The following AR variants were observed in gnomAD, a reference collection of about 807,000 sequenced individuals.
AR encodes the protein dihydrotestosterone receptor.
In AR, 8 loss-of-function variants were observed where a neutral mutation model predicts 53.9. The observed-to-expected ratio is 0.15, with a 90% CI of 0.09 to 0.27. The LOEUF (loss-of-function observed/expected upper bound fraction) is 0.27, where lower values mean the gene tolerates loss of function less well. AR is among the 10% of genes least tolerant of loss of function. AR has a pLI of 1.00. For synonymous variants in AR, 359 were observed against 316.4 expected, an observed-to-expected ratio of 1.13 and a Z score of -1.43; for missense variants, 639 against 742.5, an observed-to-expected ratio of 0.86 and a Z score of 1.62.
Position 67,578,794 on chromosome X carries a change from G to A in AR, c.1616+32032G>A, listed in dbSNP as rs1045603302. Among the ~76,000 whole-genome samples the A allele has an allele frequency of 8.0e-5, 9 of 111,877 alleles. No homozygotes were observed. The South Asian group carries it at 1.8e-3, about 23-fold the overall frequency. On this transcript the variant is annotated intron_variant, in intron 1 of 7. Coordinates refer to ENST00000374690, the MANE Select transcript of AR (RefSeq NM_000044.6). ...CATGAAATTAGTGCATAGACAGAAT[G>A]GGCTGGGAAAATGAAAGGACTTTGA...
intron 1 of AR, among the ~76,000 whole-genome samples, chrX:67,640,296 C>G (rs982743072): frequency 9.0e-6 from 1 of 110,952 alleles, no homozygotes; most frequent in African/African-American, 3.3e-5. Context: ...TTTGTTGTGT[C>G]TCTGCCAGGT....
intron 1 of AR, among the ~76,000 whole-genome samples, chrX:67,640,058 T>C (rs1427852176): frequency 8.9e-6 from 1 of 111,955 alleles, no homozygotes; most frequent in Non-Finnish European, 1.9e-5. Flanking sequence ...AGGCCTTTTC[T>C]GCATCTATTG....
intron 1 of AR, among the ~76,000 whole-genome samples, chrX:67,630,205 G>T (rs1374760943): frequency 1.8e-5 from 2 of 110,858 alleles, no homozygotes; most frequent in South Asian, 3.9e-4. Context: ...TTAACTTTCT[G>T]TCTCGTTGAT....
At chrX:67,705,772 G>C (rs1463151302) in intron 3 of AR, among the ~76,000 whole-genome samples, 2 of 111,441 alleles carry the variant, frequency 1.8e-5, no homozygotes, top group African/African-American at 6.5e-5. Context: ...GTATGATATT[G>C]GCTGTGGGTT....
chrX:67,584,564 G>C (rs1487622658), intron 1 of AR, among the ~76,000 whole-genome samples: 5 of 111,877 alleles, frequency 4.5e-5, no homozygotes, highest in African/African-American at 1.6e-4. Context: ...TTCTAAATAA[G>C]AGTTTATTGA....
intron 1 of AR, among the ~76,000 whole-genome samples, chrX:67,570,106 C>A (rs1220288628): frequency 8.9e-6 from 1 of 112,235 alleles, no homozygotes; most frequent in East Asian, 2.8e-4. Context: ...AGAAGCAGAA[C>A]TGTCTGTGTT....
chrX:67,568,804 G>T, intron 1 of AR: 1 of 1,090,655 alleles, frequency 9.2e-7, no homozygotes, highest in Non-Finnish European at 1.2e-6. Context: ...TGTTTTATCA[G>T]CTCTGATTTG....
At chrX:67,710,103 TAGAG>T (rs200808225) in intron 3 of AR, among the ~76,000 whole-genome samples, 3 of 107,686 alleles carry the variant, frequency 2.8e-5, no homozygotes, top group South Asian at 4.0e-4. Context: ...TGTGTGTGTT[TAGAG>T]AGAGAGAGAG....
rs770684320 is a variant in AR at position 67,628,356 on chromosome X, C to G, written c.1617-14900C>G. Among the ~76,000 whole-genome samples, 344 of 94,773 alleles carry G rather than the reference C, an allele frequency of 3.6e-3. 1 individual carries two copies. The highest frequency in any genetic ancestry group is 9.7e-3 in the African/African-American group (286 of 29,533). The allele number at this position is 94,773 out of a possible 115,157, so 82.3% of individuals were successfully genotyped here. A position where few individuals can be genotyped will look rare whatever the true frequency, so the allele number is the denominator to read the frequency against. ...TCTCCTTGAAGAGGTCCTTCACATCCCTTGAAAGTTGGATTCCTAGGTATT... is the reference window on the plus strand; with the variant it reads ...TCTCCTTGAAGAGGTCCTTCACATCGCTTGAAAGTTGGATTCCTAGGTATT... On this transcript the variant is annotated intron_variant, in intron 1 of 7. Transcript: ENST00000374690.
At chrX:67,569,148 T>C (rs1602161400) in intron 1 of AR, 1 of 719,932 alleles carries the variant, frequency 1.4e-6, no homozygotes, top group South Asian at 2.8e-5. Context: ...ACTAGCTTGC[T>C]TGAATATCTT....
intron 3 of AR, among the ~76,000 whole-genome samples, chrX:67,707,825 T>C (rs902355371): frequency 1.8e-5 from 2 of 111,918 alleles, no homozygotes; most frequent in African/African-American, 6.5e-5. Context: ...GGAGCTCCTG[T>C]AGTGCAGGCC....
chrX:67,585,162 A>G (rs770795723), intron 1 of AR, among the ~76,000 whole-genome samples: 1 of 109,083 alleles, frequency 9.2e-6, no homozygotes, highest in Admixed American at 9.8e-5. Context: ...AGGCTGAGAC[A>G]GAAGAATTGC....
At chrX:67,686,369 G>C (rs968453528) in intron 3 of AR, among the ~76,000 whole-genome samples, 5 of 111,541 alleles carry the variant, frequency 4.5e-5, no homozygotes, top group African/African-American at 1.6e-4. Flanking sequence ...GTGAAGCAGG[G>C]ATCAGGAGCC....
intron 3 of AR, among the ~76,000 whole-genome samples, chrX:67,706,107 C>CT (rs1430868854): frequency 9.0e-6 from 1 of 111,434 alleles, no homozygotes; most frequent in Non-Finnish European, 1.9e-5. Context: ...GTAAAATTCT[C>CT]TTTTTTTGTT....
At chrX:67,555,162 A>G (rs1404976032) in intron 1 of AR, among the ~76,000 whole-genome samples, 1 of 111,009 alleles carries the variant, frequency 9.0e-6, no homozygotes, top group Non-Finnish European at 1.9e-5. Flanking sequence ...CCTGGATTGT[A>G]CGGTATGGAT....
rs199940567 is a variant in AR, at chrX:67,717,500, C to A, written c.2196C>A (p.Asp732Glu). 3 of 1,211,879 alleles carry A rather than the reference C, an allele frequency of 2.5e-6. No homozygotes were observed. The highest frequency in any genetic ancestry group is 3.4e-6 in the Non-Finnish European group (3 of 895,487). ...ALPGFRNLHVDDQMAVIQYSW... is the reference protein window; with the variant it reads ...ALPGFRNLHVEDQMAVIQYSW... ...CAGGCTTCCGCAACTTACACGTGGACGACCAGATGGCTGTCATTCAGTACT... is the reference window on the plus strand; with the variant it reads ...CAGGCTTCCGCAACTTACACGTGGAAGACCAGATGGCTGTCATTCAGTACT... The change falls in exon 5 of 8, where the codon GAC becomes GAA. Residue 732 changes from aspartate to glutamate, a missense_variant. Physicochemically the swap from Asp to Glu is conservative, Grantham distance 45. Around this residue, in one of 5 missense-constraint regions of AR, gnomAD observed 95 missense variants for 196.4 expected, o/e 0.48. Transcript: ENST00000374690.
chrX:67,688,295 A>C (rs1352604148), intron 3 of AR, among the ~76,000 whole-genome samples: 1 of 111,643 alleles, frequency 9.0e-6, no homozygotes, highest in Non-Finnish European at 1.9e-5. Flanking sequence ...TCTAGTTTAA[A>C]GGCTCAGCTC....
At chrX:67,600,111 G>C (rs1299875033) in intron 1 of AR, among the ~76,000 whole-genome samples, 1 of 111,382 alleles carries the variant, frequency 9.0e-6, no homozygotes, top group East Asian at 2.8e-4. Context: ...AAGCTATGAG[G>C]GGATATACCT....
intron 1 of AR, among the ~76,000 whole-genome samples, chrX:67,601,552 G>C (rs1259896505): frequency 8.9e-6 from 1 of 111,972 alleles, no homozygotes; most frequent in Non-Finnish European, 1.9e-5. Flanking sequence ...AATGTAGTTA[G>C]TGAATTATTT....
Sources: gnomAD v4.1 joint callset for allele counts (sites outside exome capture counted in the v4.1 genomes callset) on GRCh38, gnomAD v4.1.1 for gene constraint, gnomAD v4.1.1 regional missense constraint, MANE v1.5 for transcripts, NCBI Gene and HGNC (gene_info 2026-07-23, HGNC 2026-07-21) for gene names.